The following LHPP variants were observed in gnomAD, a reference collection of about 807,000 sequenced individuals.
LHPP encodes the protein hLHPP.
A neutral mutation model predicts 30.3 loss-of-function variants in LHPP; 24 were observed. That is an observed-to-expected ratio of 0.79 (90% CI 0.57 to 1.11). The LOEUF (loss-of-function observed/expected upper bound fraction) is 1.11, where lower values mean the gene tolerates loss of function less well. Among genes scored for constraint, LHPP ranks in the 50% most tolerant of loss-of-function variants. The probability of loss-of-function intolerance (pLI) is 0.00; values close to 1 mark genes in which losing one functional copy is unlikely to be tolerated. For missense variants in LHPP, 356 were observed against 367.2 expected, an observed-to-expected ratio of 0.97 and a Z score of 0.25; for synonymous variants, 150 against 157.1, an observed-to-expected ratio of 0.95 and a Z score of 0.34.
intron 6 of LHPP, among the ~76,000 whole-genome samples, chr10:124,558,103 C>T (rs149573368): frequency 1.1e-4 from 16 of 152,232 alleles, no homozygotes; most frequent in Non-Finnish European, 2.2e-4. Context: ...AGCCACGTGG[C>T]TCCGTTTTCT....
chr10:124,557,329 G>A (rs897807877), intron 6 of LHPP, among the ~76,000 whole-genome samples: 4 of 152,212 alleles, frequency 2.6e-5, no homozygotes, highest in African/African-American at 9.7e-5. Context: ...GGCAGAGCTG[G>A]GCCTCGCCAG....
intron 1 of LHPP, among the ~76,000 whole-genome samples, chr10:124,479,858 C>T (rs1953072866): frequency 6.6e-6 from 1 of 152,242 alleles, no homozygotes; most frequent in African/African-American, 2.4e-5. Flanking sequence ...TCTCTGTCTC[C>T]TGGGGCCTCC....
At chr10:124,546,652 C>T (rs575324670) in intron 6 of LHPP, among the ~76,000 whole-genome samples, 9 of 152,018 alleles carry the variant, frequency 5.9e-5, no homozygotes, top group African/African-American at 9.6e-5. Context: ...CCTCATGATC[C>T]GCCCGCCTCA....
At chr10:124,587,188 C>T (rs1203812620) in intron 6 of LHPP, among the ~76,000 whole-genome samples, 1 of 151,904 alleles carries the variant, frequency 6.6e-6, no homozygotes, top group Non-Finnish European at 1.5e-5. Context: ...CCTGCCACCA[C>T]ACCCGGCTAA....
At chr10:124,474,614 C>T (rs1952886049) in intron 1 of LHPP, among the ~76,000 whole-genome samples, 1 of 152,148 alleles carries the variant, frequency 6.6e-6, no homozygotes, top group South Asian at 2.1e-4. Context: ...ACCACAGGTC[C>T]CATCTCCAAA....
intron 6 of LHPP, among the ~76,000 whole-genome samples, chr10:124,599,095 C>G (rs1043020249): frequency 6.6e-6 from 1 of 151,916 alleles, no homozygotes; most frequent in African/African-American, 2.4e-5. Flanking sequence ...TGCCTGCCGT[C>G]CACCCTTCTC....
chr10:124,521,714 G>A (rs1033038682), intron 6 of LHPP, among the ~76,000 whole-genome samples: 7 of 152,216 alleles, frequency 4.6e-5, no homozygotes, highest in Admixed American at 1.3e-4. Context: ...GGCAGCTGGC[G>A]GGTGGGGGCA....
At chr10:124,564,929 A>G (rs1718469672) in intron 6 of LHPP, among the ~76,000 whole-genome samples, 1 of 152,236 alleles carries the variant, frequency 6.6e-6, no homozygotes, top group African/African-American at 2.4e-5. Context: ...CAAACATCTT[A>G]TGTTCTCACT....
intron 6 of LHPP, among the ~76,000 whole-genome samples, chr10:124,579,357 A>G (rs1469221783): frequency 6.6e-6 from 1 of 152,226 alleles, no homozygotes; most frequent in Non-Finnish European, 1.5e-5. Context: ...CACGGCGCCA[A>G]CAGGGGAAAA....
intron 1 of LHPP, among the ~76,000 whole-genome samples, chr10:124,474,249 T>C (rs1952876106): frequency 6.6e-6 from 1 of 150,824 alleles, no homozygotes; most frequent in African/African-American, 2.4e-5. Flanking sequence ...AAGCGATCCT[T>C]TCACCTCAGC....
chr10:124,607,507 C>T lies in LHPP; in HGVS notation c.717-5757C>T, dbSNP rs77119456. On this transcript the variant is annotated intron_variant, in intron 6 of 6. Transcript: ENST00000368842. ...ATATGTAATTAAACATAATTAGCCACGGACGCCATTCGGCTAGGTACACGT... is the reference window on the plus strand; with the variant it reads ...ATATGTAATTAAACATAATTAGCCATGGACGCCATTCGGCTAGGTACACGT... 4.9e-3 allele frequency among the ~76,000 whole-genome samples: 748 copies of T among 152,346 alleles called. 8 individuals are homozygous for T. Among genetic ancestry groups the T allele is most frequent in the African/African-American group, 0.017 (693 of 41,578 alleles).
chr10:124,518,014 G>C (rs975766234), intron 6 of LHPP, among the ~76,000 whole-genome samples: 1 of 152,228 alleles, frequency 6.6e-6, no homozygotes, highest in African/African-American at 2.4e-5. Flanking sequence ...GGAGGTACTT[G>C]GATTTGGGGT....
chr10:124,503,473 T>C (rs1018269145), intron 5 of LHPP, among the ~76,000 whole-genome samples: 2 of 152,048 alleles, frequency 1.3e-5, no homozygotes, highest in Non-Finnish European at 2.9e-5. Flanking sequence ...ACCAAAATAC[T>C]GTATTTAAAG....
chr10:124,487,332 T>A (rs1045665305), intron 2 of LHPP, among the ~76,000 whole-genome samples: 1 of 152,254 alleles, frequency 6.6e-6, no homozygotes, highest in Admixed American at 6.5e-5. Flanking sequence ...CTCCATCTGC[T>A]GCAGCTGTTC....
chr10:124,551,771 T>C (rs1246870685), intron 6 of LHPP, among the ~76,000 whole-genome samples: 1 of 152,072 alleles, frequency 6.6e-6, no homozygotes, highest in East Asian at 1.9e-4. Flanking sequence ...CACCCTCCCC[T>C]CCACCTGCCG....
chr10:124,489,802 G>C, intron 3 of LHPP: 1 of 189,758 alleles, frequency 5.3e-6, no homozygotes, highest in Non-Finnish European at 1.1e-5. Flanking sequence ...TTTATTCAAT[G>C]CAAAATAACC....
chr10:124,468,662 C>T (rs1952633531), intron 1 of LHPP, among the ~76,000 whole-genome samples: 1 of 152,206 alleles, frequency 6.6e-6, no homozygotes. Context: ...GGCCGCTGAG[C>T]TGTCCAGCAC....
intron 6 of LHPP, among the ~76,000 whole-genome samples, chr10:124,601,542 C>T (rs567799018): frequency 2.6e-5 from 4 of 152,308 alleles, no homozygotes; most frequent in South Asian, 2.1e-4. Context: ...GGCGGCCAAG[C>T]GTCACCACCA....
At chr10:124,551,434 G>C (rs1948163301) in intron 6 of LHPP, among the ~76,000 whole-genome samples, 1 of 152,178 alleles carries the variant, frequency 6.6e-6, no homozygotes, top group Non-Finnish European at 1.5e-5. Flanking sequence ...TGGACTCCTT[G>C]CTCACGCTGC....
Sources: allele counts gnomAD v4.1 joint callset (sites outside exome capture counted in the v4.1 genomes callset), GRCh38; gene constraint gnomAD v4.1.1; transcripts MANE v1.5; gene names NCBI Gene and HGNC (gene_info 2026-07-23, HGNC 2026-07-21).